The following FER variants were observed in gnomAD, a reference collection of about 807,000 sequenced individuals.
FER encodes tyrosine-protein kinase Fer.
FER carries 63 observed loss-of-function variants against 111.0 expected under a neutral mutation model. That is an observed-to-expected ratio of 0.57 (90% CI 0.46 to 0.70). The LOEUF is 0.70. Ranked by LOEUF, FER falls within the 30% of genes least tolerant of loss-of-function variation. The pLI is 0.00. For synonymous variants in FER, 327 were observed against 313.9 expected, an observed-to-expected ratio of 1.04 and a Z score of -0.44; for missense variants, 914 against 954.0, an observed-to-expected ratio of 0.96 and a Z score of 0.55.
chr5:109,154,941 C>G (rs1016577640), intron 17 of FER, among the ~76,000 whole-genome samples: 1 of 151,742 alleles, frequency 6.6e-6, no homozygotes, highest in Admixed American at 6.6e-5. Context: ...TTTATGAGTC[C>G]TATAACTACA....
At position 109,100,523 on chromosome 5, in the gene FER, A is replaced by G. The variant is rs956015023; in HGVS notation, c.2048+4A>G. ...AGAGTAAAAACTGTATACACAGGTAAGGAGAACATTTTTAAAGCAATTTTT... is the reference window on the plus strand; with the variant it reads ...AGAGTAAAAACTGTATACACAGGTAGGGAGAACATTTTTAAAGCAATTTTT... On this transcript the variant is annotated splice_donor_region_variant and intron_variant, in intron 17 of 19. Coordinates refer to ENST00000281092, the MANE Select transcript of FER (RefSeq NM_005246.4). The G allele has an allele frequency of 6.3e-7, 1 of 1,597,102 alleles. No homozygotes were observed.
At chr5:108,931,041 T>C (rs992493146) in intron 10 of FER, among the ~76,000 whole-genome samples, 3 of 152,222 alleles carry the variant, frequency 2.0e-5, no homozygotes, top group Non-Finnish European at 4.4e-5. Context: ...GAACTTTTTA[T>C]TATTATCTTT....
rs916848589 is a variant in FER, at chr5:108,946,075, C to G, written c.1237-55C>G. The stretch of plus-strand genomic sequence containing the variant: ...GATAAGTACCTAAATACATAAATGT[C>G]TATACATATTGGATAGTTTACTGTT... On this transcript the variant is annotated intron_variant, in intron 10 of 19. Transcript: ENST00000281092. 10 of 1,196,234 alleles carry G rather than the reference C, an allele frequency of 8.4e-6. No individual in the cohort carries two copies. The African/African-American group carries it at 9.0e-5, about 11-fold the overall frequency. The allele number at this position is 1,196,234 out of a possible 1,614,324, so 74.1% of individuals were successfully genotyped here. A position where few individuals can be genotyped will look rare whatever the true frequency, so the allele number is the denominator to read the frequency against.
intron 1 of FER, among the ~76,000 whole-genome samples, chr5:108,761,567 A>T (rs148153661): frequency 0.017 from 2,629 of 152,350 alleles, 31 homozygotes; most frequent in Middle Eastern, 0.071. Flanking sequence ...ATAATGAAAA[A>T]GTTTGAAATA....
intron 16 of FER, among the ~76,000 whole-genome samples, chr5:109,071,714 G>A (rs1775788691): frequency 2.0e-5 from 3 of 151,732 alleles, no homozygotes; most frequent in Non-Finnish European, 3.0e-5. Context: ...AGGACACGGG[G>A]AATTTTTATT....
rs527335324 is a variant in FER at position 108,817,728 on chromosome 5, T to C, written c.208-15042T>C. Among the ~76,000 whole-genome samples the C allele has an allele frequency of 5.4e-4, 83 of 152,334 alleles. 1 individual carries two copies. The highest frequency in any genetic ancestry group is 1.8e-3 in the African/African-American group (76 of 41,594). The stretch of plus-strand genomic sequence containing the variant: ...CCTGTTTATGGAATACTGATTTACC[T>C]CACTACACAGCTGTTAGTTCAAATT... On this transcript the variant is annotated intron_variant, in intron 3 of 19. Transcript: ENST00000281092.
chr5:108,782,855 T>A (rs536662675), intron 2 of FER: 1 of 152,248 alleles, frequency 6.6e-6, no homozygotes, highest in African/African-American at 2.4e-5. Flanking sequence ...GCCCCTGTAC[T>A]GTTTGTTGAA....
intron 8 of FER, among the ~76,000 whole-genome samples, chr5:108,881,880 A>G (rs2150282360): frequency 6.6e-6 from 1 of 152,202 alleles, no homozygotes; most frequent in East Asian, 1.9e-4. Context: ...ATTGGGGGTT[A>G]GGGCCCCAAC....
intron 1 of FER, among the ~76,000 whole-genome samples, chr5:108,750,239 T>C (rs960136067): frequency 7.9e-5 from 12 of 151,970 alleles, no homozygotes; most frequent in African/African-American, 2.9e-4. Context: ...GAAAATACTT[T>C]TCAATTCATA....
chr5:109,104,906 C>A (rs894217023), intron 17 of FER, among the ~76,000 whole-genome samples: 6 of 151,926 alleles, frequency 3.9e-5, no homozygotes, highest in African/African-American at 1.5e-4. Context: ...CCACGCCCGG[C>A]TAATTTTTTT....
At chr5:108,957,698 A>G (rs1312485813) in intron 12 of FER, among the ~76,000 whole-genome samples, 5 of 151,726 alleles carry the variant, frequency 3.3e-5, no homozygotes, top group Middle Eastern at 3.4e-3. Flanking sequence ...TAAGGAATCA[A>G]TCTGTGTCCA....
intron 16 of FER, among the ~76,000 whole-genome samples, chr5:109,083,372 A>T (rs1777206033): frequency 1.3e-5 from 2 of 152,008 alleles, no homozygotes; most frequent in Non-Finnish European, 2.9e-5. Context: ...ACCACTAATA[A>T]CATTATGACA....
At chr5:109,050,477 A>G (rs1034074188) in intron 16 of FER, among the ~76,000 whole-genome samples, 5 of 152,226 alleles carry the variant, frequency 3.3e-5, no homozygotes, top group South Asian at 4.1e-4. Context: ...CCACACACAT[A>G]CAAGTGACTG....
In FER at chr5:109,083,532, G is replaced by A. The variant is rs1306120997; in HGVS notation, c.1925-16864G>A. Reference sequence around the variant, plus strand: ...CAAATGGCTGGGCTGAAATCTTGTTGCATTTTATTTGCGACATTCCTCTAA... The same window carrying A: ...CAAATGGCTGGGCTGAAATCTTGTTACATTTTATTTGCGACATTCCTCTAA... On this transcript the variant is annotated intron_variant, in intron 16 of 19. Transcript: ENST00000281092. Among the ~76,000 whole-genome samples, 7 of 151,964 alleles carry A rather than the reference G, an allele frequency of 4.6e-5. No homozygotes were observed. In the East Asian group the frequency reaches 1.3e-3, roughly 29 times the overall value.
chr5:109,063,186 G>T (rs563221720), intron 16 of FER, among the ~76,000 whole-genome samples: 27 of 151,984 alleles, frequency 1.8e-4, no homozygotes, highest in African/African-American at 6.3e-4. Context: ...TTTTTCATTT[G>T]CATTTGTAAT....
intron 10 of FER, among the ~76,000 whole-genome samples, chr5:108,920,207 T>C (rs941110041): frequency 8.5e-5 from 13 of 152,090 alleles, no homozygotes; most frequent in African/African-American, 3.1e-4. Context: ...TAAAATTAAA[T>C]GCATATAGTT....
intron 13 of FER, among the ~76,000 whole-genome samples, chr5:108,979,521 G>A (rs1029532685): frequency 2.0e-5 from 3 of 151,876 alleles, no homozygotes; most frequent in Admixed American, 2.0e-4. Context: ...ATATTACACG[G>A]CATTACTTTA....
Position 108,838,016 on chromosome 5 carries a change from A to G in FER, c.481+2209A>G, listed in dbSNP as rs369684393. ...AGTTACTTTTAAAATAAGTACTTTT[A>G]TATATCCACTTCACACATGAGAGAT... is the stretch of plus-strand genomic sequence containing the variant. On this transcript the variant is annotated intron_variant, in intron 5 of 19. Transcript: ENST00000281092. Among the ~76,000 whole-genome samples, 12 of 152,278 alleles carry G rather than the reference A, an allele frequency of 7.9e-5. No individual in the cohort carries two copies. In the South Asian group the frequency reaches 1.9e-3, roughly 24 times the overall value.
intron 17 of FER, among the ~76,000 whole-genome samples, chr5:109,115,857 AC>A (rs991478822): frequency 6.6e-6 from 1 of 151,822 alleles, no homozygotes; most frequent in African/African-American, 2.4e-5. Flanking sequence ...TTTTCTTCTT[AC>A]CCCTCTCCTC....
Sources: gnomAD v4.1 joint callset for allele counts (sites outside exome capture counted in the v4.1 genomes callset) on GRCh38, gnomAD v4.1.1 for gene constraint, MANE v1.5 for transcripts, NCBI Gene and HGNC (gene_info 2026-07-23, HGNC 2026-07-21) for gene names.